The following ZNF280D variants were observed in gnomAD, a reference collection of about 807,000 sequenced individuals.
ZNF280D encodes suppressor of hairy wing homolog 4.
Under a neutral mutation model 94.7 loss-of-function variants are expected in ZNF280D, and 39 were observed. The ratio of observed to expected loss-of-function variants is 0.41; its 90% CI spans 0.32 to 0.54. The LOEUF (loss-of-function observed/expected upper bound fraction) is 0.54. Among genes scored for constraint, ZNF280D ranks in the 20% least tolerant of loss-of-function variants. The pLI, the probability that ZNF280D is intolerant of heterozygous loss-of-function variation, is 0.22. For synonymous variants in ZNF280D, 398 were observed against 377.6 expected, an observed-to-expected ratio of 1.05 and a Z score of -0.63; for missense variants, 1,090 against 1,149.3, an observed-to-expected ratio of 0.95 and a Z score of 0.75.
At chr15:56,729,357 T>C (rs145602321) in intron 1 of ZNF280D, among the ~76,000 whole-genome samples, 1 of 152,354 alleles carries the variant, frequency 6.6e-6, no homozygotes, top group East Asian at 1.9e-4. Flanking sequence ...ATTGAACTTC[T>C]GTGAATTTTC....
intron 9 of ZNF280D, among the ~76,000 whole-genome samples, 191 bp from the exon 10 acceptor site, chr15:56,682,668 A>C (rs1231153421): frequency 1.3e-5 from 2 of 151,834 alleles, no homozygotes; most frequent in Non-Finnish European, 2.9e-5. Context: ...ATAAACACCT[A>C]TTATCTTCAT....
At chr15:56,687,957 T>C (rs2056143841) in intron 9 of ZNF280D, among the ~76,000 whole-genome samples, 1 of 152,100 alleles carries the variant, frequency 6.6e-6, no homozygotes, top group South Asian at 2.1e-4. Flanking sequence ...CAGCAAAAAC[T>C]TTTCCTAAGT....
intron 1 of ZNF280D, among the ~76,000 whole-genome samples, chr15:56,708,607 A>G (rs2057558113): frequency 6.6e-6 from 1 of 152,232 alleles, no homozygotes; most frequent in African/African-American, 2.4e-5. Context: ...ACTTCAAACT[A>G]TACTACAAGG....
intron 19 of ZNF280D, among the ~76,000 whole-genome samples, chr15:56,651,277 C>A (rs1455018288): frequency 6.6e-6 from 1 of 152,160 alleles, no homozygotes; most frequent in African/African-American, 2.4e-5. Context: ...GAACCAATCA[C>A]ATATTTTATT....
chr15:56,724,298 T>G (rs1275242566), intron 1 of ZNF280D, among the ~76,000 whole-genome samples: 1 of 152,212 alleles, frequency 6.6e-6, no homozygotes, highest in East Asian at 1.9e-4. Flanking sequence ...AATGCTTTCA[T>G]TCTGTCATTT....
At chr15:56,732,582 G>T in intron 1 of ZNF280D, 1 of 152,026 alleles carries the variant, frequency 6.6e-6, no homozygotes, top group Non-Finnish European at 1.5e-5. Flanking sequence ...TGAAAATAAA[G>T]CCAAATATTT....
chr15:56,632,634 T>C (rs1215195718), intron 21 of ZNF280D, among the ~76,000 whole-genome samples: 1 of 151,338 alleles, frequency 6.6e-6, no homozygotes, highest in African/African-American at 2.4e-5. Flanking sequence ...TAGCTAGGAA[T>C]ATAGGTGCAC....
At chr15:56,726,329 T>G (rs1458987245) in intron 1 of ZNF280D, among the ~76,000 whole-genome samples, 2 of 152,046 alleles carry the variant, frequency 1.3e-5, no homozygotes. Context: ...ACTATCAGAG[T>G]CCAAAGGAAA....
intron 13 of ZNF280D, among the ~76,000 whole-genome samples, chr15:56,669,902 A>AT (rs1491164823): frequency 6.2e-3 from 17 of 2,742 alleles, no homozygotes; most frequent in African/African-American, 0.01. Flanking sequence ...ATATATATAT[A>AT]ATATATATAT....
At chr15:56,700,254 C>A (rs1235824037) in intron 6 of ZNF280D, 42 of 812,780 alleles carry the variant, frequency 5.2e-5, no homozygotes, top group Non-Finnish European at 6.1e-5. Context: ...ATTGAAATCC[C>A]AGATCCATCA....
At chr15:56,659,600 G>A (rs2053792173) in intron 16 of ZNF280D, among the ~76,000 whole-genome samples, 1 of 151,830 alleles carries the variant, frequency 6.6e-6, no homozygotes, top group South Asian at 2.1e-4. Context: ...AGTACACATA[G>A]AGCGTAATAC....
chr15:56,732,955 G>A (rs1378923379), intron 1 of ZNF280D: 1 of 152,264 alleles, frequency 6.6e-6, no homozygotes, highest in African/African-American at 2.4e-5. Flanking sequence ...TGGAACGACC[G>A]GTCATCTGGG....
chr15:56,643,144 T>G, intron 19 of ZNF280D, 147 bp from the exon 20 acceptor site: 1 of 460,278 alleles, frequency 2.2e-6, no homozygotes. Flanking sequence ...TTGACCTCTG[T>G]AAATGTTTTA....
At chr15:56,665,677 C>T (rs1229158749) in intron 16 of ZNF280D, among the ~76,000 whole-genome samples, 1 of 123,618 alleles carries the variant, frequency 8.1e-6, no homozygotes, top group African/African-American at 2.9e-5. Context: ...CCACTACAGC[C>T]TGGGCGACAC....
At chr15:56,689,503 T>A (rs963691536) in intron 7 of ZNF280D, 33 bp from the exon 8 acceptor site, 2 of 1,317,382 alleles carry the variant, frequency 1.5e-6, no homozygotes, top group Non-Finnish European at 2.0e-6. Context: ...AAAAATATTT[T>A]TTAAAATTAG....
intron 19 of ZNF280D, among the ~76,000 whole-genome samples, chr15:56,648,499 C>G (rs777274042): frequency 1.3e-4 from 20 of 151,782 alleles, no homozygotes; most frequent in Admixed American, 3.3e-4. Flanking sequence ...CCTGGAACTA[C>G]AAGCAGAAGC....
chr15:56,695,330 C>T (rs764302755), intron 6 of ZNF280D, among the ~76,000 whole-genome samples: 2 of 152,056 alleles, frequency 1.3e-5, no homozygotes, highest in Non-Finnish European at 2.9e-5. Context: ...GCCTTGGCCT[C>T]CCAAAGTGCT....
At chr15:56,704,334 C>T (rs1567011190) in intron 3 of ZNF280D, 67 bp from the exon 4 acceptor site, 3 of 1,419,580 alleles carry the variant, frequency 2.1e-6, no homozygotes, top group Non-Finnish European at 2.9e-6. Context: ...TTTTGTAATA[C>T]ATAGCATTAA....
At chr15:56,692,311 TG>T (rs1160997339) in intron 7 of ZNF280D, among the ~76,000 whole-genome samples, 2 of 151,984 alleles carry the variant, frequency 1.3e-5, no homozygotes, top group East Asian at 3.9e-4. Context: ...AAAAAAAAAC[TG>T]GGAGAGGGTT....
Sources: allele counts gnomAD v4.1 joint callset (sites outside exome capture counted in the v4.1 genomes callset), GRCh38; gene constraint gnomAD v4.1.1; transcripts MANE v1.5; gene names NCBI Gene and HGNC (gene_info 2026-07-23, HGNC 2026-07-21).